The following CHST11 variants were observed in gnomAD, a reference collection of about 807,000 sequenced individuals.
CHST11 encodes the protein carbohydrate sulfotransferase 11.
A neutral mutation model predicts 30.4 loss-of-function variants in CHST11; 9 were observed. The ratio of observed to expected loss-of-function variants is 0.30; its 90% CI spans 0.18 to 0.52. The LOEUF is 0.52. Among genes scored for constraint, CHST11 ranks in the 20% least tolerant of loss-of-function variants. The pLI is 0.97. For missense variants in CHST11, 348 were observed against 460.6 expected, an observed-to-expected ratio of 0.76 and a Z score of 2.24; for synonymous variants, 152 against 187.8, an observed-to-expected ratio of 0.81 and a Z score of 1.56.
intron 2 of CHST11, among the ~76,000 whole-genome samples, chr12:104,724,137 G>A (rs1191328555): frequency 6.6e-6 from 1 of 152,202 alleles, no homozygotes; most frequent in African/African-American, 2.4e-5. Context: ...TAGTTAAAGG[G>A]CTACTGAAGT....
intron 2 of CHST11, among the ~76,000 whole-genome samples, chr12:104,633,409 TG>T (rs1566016313): frequency 1.4e-4 from 19 of 137,686 alleles, no homozygotes; most frequent in African/African-American, 5.1e-4. Flanking sequence ...CCTCTCCCTC[TG>T]TCTTTTTTTT....
intron 2 of CHST11, among the ~76,000 whole-genome samples, chr12:104,717,444 G>A (rs754996404): frequency 3.3e-5 from 5 of 151,962 alleles, no homozygotes; most frequent in East Asian, 1.9e-4. Flanking sequence ...GTCATTTTCC[G>A]GGGATGGTCA....
intron 2 of CHST11, among the ~76,000 whole-genome samples, chr12:104,633,810 C>T (rs544551870): frequency 3.9e-4 from 59 of 152,258 alleles, no homozygotes; most frequent in African/African-American, 1.3e-3. Flanking sequence ...TGGCCCCTGC[C>T]TACCTCTGCC....
At chr12:104,556,997 A>G (rs1033908045) in intron 1 of CHST11, among the ~76,000 whole-genome samples, 7 of 151,950 alleles carry the variant, frequency 4.6e-5, no homozygotes, top group Non-Finnish European at 7.4e-5. Context: ...AAAAAAAAAA[A>G]AAGATTTCCC....
intron 2 of CHST11, among the ~76,000 whole-genome samples, chr12:104,642,278 TG>T (rs1293617177): frequency 1.3e-5 from 2 of 151,946 alleles, no homozygotes; most frequent in African/African-American, 4.8e-5. Context: ...ATCTCTAATA[TG>T]AAAAAAAATG....
intron 1 of CHST11, among the ~76,000 whole-genome samples, chr12:104,493,174 T>G (rs1226000051): frequency 4.6e-5 from 7 of 152,186 alleles, no homozygotes. Flanking sequence ...ATAAAACTAA[T>G]GGAAATGGTG....
intron 2 of CHST11, among the ~76,000 whole-genome samples, chr12:104,625,514 A>G (rs1399587187): frequency 6.6e-6 from 1 of 152,180 alleles, no homozygotes; most frequent in Non-Finnish European, 1.5e-5. Context: ...CATGTTGGCC[A>G]GGCTGGTCTT....
chr12:104,469,101 C>G (rs979714828), intron 1 of CHST11, among the ~76,000 whole-genome samples: 2 of 152,160 alleles, frequency 1.3e-5, no homozygotes, highest in Non-Finnish European at 2.9e-5. Flanking sequence ...CTATTTAATT[C>G]TGTTTGAAAC....
chr12:104,552,007 A>G (rs1345957239), intron 1 of CHST11: 2 of 152,234 alleles, frequency 1.3e-5, no homozygotes, highest in Non-Finnish European at 2.9e-5. Flanking sequence ...TCATTCAACA[A>G]GCATTTTTTG....
chr12:104,561,346 C>T (rs1369917480), intron 1 of CHST11, among the ~76,000 whole-genome samples: 1 of 152,220 alleles, frequency 6.6e-6, no homozygotes, highest in East Asian at 1.9e-4. Flanking sequence ...CTCTCCACTA[C>T]ATTCTTATCC....
chr12:104,609,421 A>G (rs1350269357), intron 2 of CHST11, among the ~76,000 whole-genome samples: 4 of 152,194 alleles, frequency 2.6e-5, no homozygotes, highest in Non-Finnish European at 4.4e-5. Flanking sequence ...GGCCCATTGC[A>G]AAAAACCACG....
chr12:104,596,175 G>C (rs1311661736), intron 1 of CHST11, among the ~76,000 whole-genome samples: 2 of 152,226 alleles, frequency 1.3e-5, no homozygotes, highest in Non-Finnish European at 2.9e-5. Context: ...TGATGAGGTT[G>C]AATCAGACAC....
chr12:104,623,508 C>T (rs1566012469), intron 2 of CHST11, among the ~76,000 whole-genome samples: 2 of 152,070 alleles, frequency 1.3e-5, no homozygotes, highest in Non-Finnish European at 2.9e-5. Context: ...GCTGGGAGTT[C>T]GAGACTAGCC....
chr12:104,539,499 G>A (rs1347371687), intron 1 of CHST11, among the ~76,000 whole-genome samples: 1 of 152,168 alleles, frequency 6.6e-6, no homozygotes, highest in Non-Finnish European at 1.5e-5. Flanking sequence ...ATTTAAAATA[G>A]GGATTGTTTC....
chr12:104,571,046 G>A (rs1186100986), intron 1 of CHST11, among the ~76,000 whole-genome samples: 17 of 152,160 alleles, frequency 1.1e-4, no homozygotes, highest in African/African-American at 3.1e-4. Context: ...AGCCTGGAAC[G>A]TAGGAATTCT....
At chr12:104,541,089 A>G (rs948834595) in intron 1 of CHST11, among the ~76,000 whole-genome samples, 5 of 150,792 alleles carry the variant, frequency 3.3e-5, no homozygotes, top group Admixed American at 6.6e-5. Flanking sequence ...CATGACTCGT[A>G]TGTTTGTATT....
chr12:104,481,544 C>G (rs1170418045), intron 1 of CHST11, among the ~76,000 whole-genome samples: 3 of 152,146 alleles, frequency 2.0e-5, no homozygotes, highest in Non-Finnish European at 4.4e-5. Flanking sequence ...CCCACTGTTC[C>G]AGCTGGTGGC....
chr12:104,670,169 G>C (rs2039676673), intron 2 of CHST11, among the ~76,000 whole-genome samples: 1 of 152,188 alleles, frequency 6.6e-6, no homozygotes, highest in African/African-American at 2.4e-5. Context: ...AGGAAGGGGG[G>C]TCCACCCTGG....
intron 2 of CHST11, among the ~76,000 whole-genome samples, chr12:104,674,176 G>T (rs2039720270): frequency 6.6e-6 from 1 of 152,092 alleles, no homozygotes; most frequent in African/African-American, 2.4e-5. Flanking sequence ...AACCTTAGCT[G>T]TTCTGCTAGT....
Sources: allele counts gnomAD v4.1 joint callset (sites outside exome capture counted in the v4.1 genomes callset), GRCh38; gene constraint gnomAD v4.1.1; transcripts MANE v1.5; gene names NCBI Gene and HGNC (gene_info 2026-07-23, HGNC 2026-07-21).